The following TBC1D19 variants were observed in gnomAD, a reference collection of about 807,000 sequenced individuals.
TBC1D19 encodes the protein TBC1 domain family, member 19.
A neutral mutation model predicts 89.0 loss-of-function variants in TBC1D19; 60 were observed. The ratio of observed to expected loss-of-function variants is 0.67; its 90% CI spans 0.55 to 0.84. The LOEUF is 0.84. TBC1D19 is among the 40% of genes least tolerant of loss of function. The probability of loss-of-function intolerance (pLI) is 0.00; values close to 1 mark genes in which losing one functional copy is unlikely to be tolerated. For synonymous variants in TBC1D19, 189 were observed against 199.7 expected, an observed-to-expected ratio of 0.95 and a Z score of 0.45; for missense variants, 500 against 610.8, an observed-to-expected ratio of 0.82 and a Z score of 1.91.
At chr4:26,672,891 T>C (rs1712442865) in intron 10 of TBC1D19, among the ~76,000 whole-genome samples, 1 of 151,982 alleles carries the variant, frequency 6.6e-6, no homozygotes, top group Non-Finnish European at 1.5e-5. Context: ...TTCATCTCTT[T>C]TTTATTTCAT....
intron 15 of TBC1D19, among the ~76,000 whole-genome samples, chr4:26,725,805 T>G (rs1303973603): frequency 6.6e-6 from 1 of 152,118 alleles, no homozygotes; most frequent in Non-Finnish European, 1.5e-5. Flanking sequence ...ACCTTAATAG[T>G]TTTGGTGATC....
intron 13 of TBC1D19, among the ~76,000 whole-genome samples, chr4:26,708,614 G>C (rs1715914010): frequency 6.6e-6 from 1 of 151,864 alleles, no homozygotes; most frequent in Non-Finnish European, 1.5e-5. Flanking sequence ...CATATCGGTT[G>C]GCTTGATGGT....
At chr4:26,696,752 G>A (rs558343600) in intron 13 of TBC1D19, among the ~76,000 whole-genome samples, 2 of 152,282 alleles carry the variant, frequency 1.3e-5, no homozygotes, top group Admixed American at 6.5e-5. Flanking sequence ...CTGGTCCTGA[G>A]TGACTACTGG....
At chr4:26,843,999 T>C in the TBC1D19 span, among the ~76,000 whole-genome samples, 3 of 152,102 alleles carry the variant, frequency 2.0e-5, no homozygotes, top group Non-Finnish European at 4.4e-5. Context: ...GGCCCCACGA[T>C]CCAAACACCT....
At chr4:26,811,875 C>T in the TBC1D19 span, among the ~76,000 whole-genome samples, 2 of 152,144 alleles carry the variant, frequency 1.3e-5, no homozygotes, top group African/African-American at 2.4e-5. Flanking sequence ...GGGTTTTGGC[C>T]GGCTTCTTTA....
the TBC1D19 span, among the ~76,000 whole-genome samples, chr4:26,789,570 A>T: frequency 2.0e-5 from 3 of 152,226 alleles, no homozygotes; most frequent in South Asian, 2.1e-4. Flanking sequence ...GTTGGTGAGG[A>T]TGCAGAGAAA....
chr4:26,596,919 T>G (rs1740260670), intron 1 of TBC1D19, among the ~76,000 whole-genome samples: 1 of 152,250 alleles, frequency 6.6e-6, no homozygotes, highest in Non-Finnish European at 1.5e-5. Context: ...TTTTTGTTAT[T>G]GATTTCTAGG....
chr4:26,616,299 T>C (rs1180206260), intron 3 of TBC1D19, among the ~76,000 whole-genome samples: 1 of 152,164 alleles, frequency 6.6e-6, no homozygotes, highest in East Asian at 1.9e-4. Flanking sequence ...GTATGTTCAG[T>C]TTATTCTTCT....
At chr4:26,673,487 A>G (rs1308335797) in intron 10 of TBC1D19, among the ~76,000 whole-genome samples, 1 of 143,258 alleles carries the variant, frequency 7.0e-6, no homozygotes, top group East Asian at 2.1e-4. Flanking sequence ...TACTAGTTTC[A>G]GATCCATGGA....
chr4:26,781,609 G>A, the TBC1D19 span, among the ~76,000 whole-genome samples: 110 of 152,320 alleles, frequency 7.2e-4, no homozygotes, highest in African/African-American at 2.5e-3. Context: ...AGGTTTAAAT[G>A]AGTTTGGTTC....
chr4:26,739,305 A>G (rs1718215327), intron 16 of TBC1D19, among the ~76,000 whole-genome samples: 1 of 152,188 alleles, frequency 6.6e-6, no homozygotes, highest in Non-Finnish European at 1.5e-5. Context: ...TTTTCAGTTG[A>G]TGAATATATA....
At chr4:26,681,546 G>A (rs182661514) in intron 11 of TBC1D19, among the ~76,000 whole-genome samples, 107 of 151,694 alleles carry the variant, frequency 7.1e-4, no homozygotes, top group Non-Finnish European at 1.0e-3. Context: ...GTGAGACGCC[G>A]TCTCAAAAAA....
At chr4:26,834,178 TC>T in the TBC1D19 span, among the ~76,000 whole-genome samples, 3 of 152,104 alleles carry the variant, frequency 2.0e-5, no homozygotes, top group Non-Finnish European at 2.9e-5. Context: ...TCCTGAGGCC[TC>T]CCCAGCCATG....
At chr4:26,832,870 T>C in the TBC1D19 span, among the ~76,000 whole-genome samples, 1 of 152,146 alleles carries the variant, frequency 6.6e-6, no homozygotes, top group African/African-American at 2.4e-5. Flanking sequence ...GGCATGTGCC[T>C]GTAATCCCAG....
At chr4:26,763,463 C>T in the TBC1D19 span, among the ~76,000 whole-genome samples, 3 of 152,346 alleles carry the variant, frequency 2.0e-5, no homozygotes, top group South Asian at 6.2e-4. Flanking sequence ...TTTAGACAAA[C>T]TCAACCGTCA....
chr4:26,641,086 C>G (rs1350960840), intron 7 of TBC1D19, among the ~76,000 whole-genome samples: 1 of 152,234 alleles, frequency 6.6e-6, no homozygotes, highest in Non-Finnish European at 1.5e-5. Flanking sequence ...TGAGAACAGA[C>G]AGACTGCCTC....
chr4:26,639,119 G>T (rs1469996833), intron 6 of TBC1D19, among the ~76,000 whole-genome samples: 1 of 152,168 alleles, frequency 6.6e-6, no homozygotes, highest in Non-Finnish European at 1.5e-5. Context: ...CATGATCACA[G>T]CTCACTTTAA....
chr4:26,841,595 G>C, the TBC1D19 span, among the ~76,000 whole-genome samples: 12 of 152,262 alleles, frequency 7.9e-5, no homozygotes, highest in East Asian at 2.3e-3. Context: ...GAGCTGGTGA[G>C]AGGGGGAACA....
At chr4:26,614,354 T>C in intron 2 of TBC1D19, 54 bp from the exon 3 acceptor site, 2 of 1,242,450 alleles carry the variant, frequency 1.6e-6, no homozygotes, top group Non-Finnish European at 1.1e-6. Context: ...TTGTAATGTA[T>C]GTTTACTTAA....
Sources: gnomAD v4.1 joint callset for allele counts (sites outside exome capture counted in the v4.1 genomes callset) on GRCh38, gnomAD v4.1.1 for gene constraint, MANE v1.5 for transcripts, NCBI Gene and HGNC (gene_info 2026-07-23, HGNC 2026-07-21) for gene names.